The following DMD variants were observed in gnomAD, a reference collection of about 807,000 sequenced individuals.
DMD encodes the protein dystrophin.
Under a neutral mutation model 330.1 loss-of-function variants are expected in DMD, and 63 were observed. The observed-to-expected ratio is 0.19, with a 90% CI of 0.16 to 0.24. DMD has a LOEUF of 0.24. Ranked by LOEUF, DMD falls within the 10% of genes least tolerant of loss-of-function variation. The pLI is 1.00. For synonymous variants in DMD, 1,223 were observed against 959.8 expected, an observed-to-expected ratio of 1.27 and a Z score of -5.07; for missense variants, 3,344 against 2,684.1, an observed-to-expected ratio of 1.25 and a Z score of -5.43.
At chrX:32,981,184 G>T (rs1015013795) in intron 2 of DMD, among the ~76,000 whole-genome samples, 5 of 111,735 alleles carry the variant, frequency 4.5e-5, no homozygotes, top group Admixed American at 2.9e-4. Flanking sequence ...TACATTAACA[G>T]TTTTTGTCTC....
intron 51 of DMD, among the ~76,000 whole-genome samples, chrX:31,763,094 C>T (rs1010462107): frequency 1.8e-5 from 2 of 112,747 alleles, no homozygotes; most frequent in African/African-American, 6.4e-5. Flanking sequence ...GAATATTACA[C>T]CTTCCTTTAC....
intron 56 of DMD, among the ~76,000 whole-genome samples, chrX:31,504,560 A>G (rs2070742007): frequency 9.0e-6 from 1 of 111,672 alleles, no homozygotes; most frequent in Non-Finnish European, 1.9e-5. Context: ...TTCATTTTAA[A>G]ATAACCCCCA....
intron 1 of DMD, among the ~76,000 whole-genome samples, chrX:33,172,097 TAAAC>T (rs1369266430): frequency 9.0e-6 from 1 of 111,216 alleles, no homozygotes. Context: ...AAAGGAATAT[TAAAC>T]AAATGTATTC....
chrX:32,292,613 C>G (rs972098001), intron 42 of DMD, among the ~76,000 whole-genome samples: 1 of 111,481 alleles, frequency 9.0e-6, no homozygotes, highest in African/African-American at 3.3e-5. Flanking sequence ...AATTGGGAAG[C>G]ATTTTAATCA....
intron 9 of DMD, among the ~76,000 whole-genome samples, chrX:32,683,243 C>T (rs1261393469): frequency 9.0e-6 from 1 of 110,675 alleles, no homozygotes; most frequent in Non-Finnish European, 1.9e-5. Flanking sequence ...GGCGATTCCT[C>T]AGGGATCTAG....
At chrX:31,582,480 G>A (rs923396829) in intron 55 of DMD, among the ~76,000 whole-genome samples, 1 of 111,842 alleles carries the variant, frequency 8.9e-6, no homozygotes, top group African/African-American at 3.3e-5. Context: ...ACATGAGTAT[G>A]GGGGTGACGG....
At chrX:32,982,563 A>C (rs1483351048) in intron 2 of DMD, among the ~76,000 whole-genome samples, 1 of 111,719 alleles carries the variant, frequency 9.0e-6, no homozygotes, top group East Asian at 2.8e-4. Context: ...CTAAAACAGC[A>C]ACAAATGCTG....
chrX:31,144,068 T>C (rs991711989), intron 76 of DMD, among the ~76,000 whole-genome samples: 1 of 111,449 alleles, frequency 9.0e-6, no homozygotes, highest in African/African-American at 3.3e-5. Context: ...TTCAGGAAAA[T>C]AACCTCAAAC....
chrX:32,422,928 A>C (rs1165001422), intron 29 of DMD, among the ~76,000 whole-genome samples: 2 of 111,621 alleles, frequency 1.8e-5, no homozygotes, highest in Non-Finnish European at 3.8e-5. Flanking sequence ...GAGAGAGATG[A>C]ATATGTACCC....
At chrX:32,634,168 C>G (rs761888811) in intron 11 of DMD, among the ~76,000 whole-genome samples, 36 of 111,889 alleles carry the variant, frequency 3.2e-4, no homozygotes, top group Non-Finnish European at 6.0e-4. Flanking sequence ...AGAGTACTGT[C>G]TGAGGTCCAA....
intron 15 of DMD, among the ~76,000 whole-genome samples, chrX:32,569,654 G>C (rs1002103033): frequency 7.2e-5 from 8 of 111,569 alleles, no homozygotes; most frequent in Non-Finnish European, 1.5e-4. Context: ...CAGGAGTTGA[G>C]GTAAAGGTAG....
intron 45 of DMD, among the ~76,000 whole-genome samples, chrX:31,952,101 A>T (rs2095188876): frequency 9.0e-6 from 1 of 110,646 alleles, no homozygotes; most frequent in South Asian, 3.8e-4. Flanking sequence ...ATGAGGAGTC[A>T]TTTTTTTCTG....
chrX:32,678,582 A>C (rs1264191011), intron 9 of DMD, among the ~76,000 whole-genome samples: 1 of 110,739 alleles, frequency 9.0e-6, no homozygotes, highest in Non-Finnish European at 1.9e-5. Flanking sequence ...AATCTCCTAA[A>C]ATCAAAGGGC....
rs1434014635 is a variant in DMD at position 33,129,082 on chromosome X, TTG to T, written c.31+82198_31+82199del. On this transcript the variant is annotated intron_variant, in intron 1 of 78. Transcript: ENST00000357033. ...AATCCTGCTTCTTGAAAAAACAGAA[TTG>T]TGTCAGGCTTCTGTAATGACTGTTT... 2.7e-5 allele frequency: 3 copies of T among 111,774 alleles called. No homozygotes were observed. In the Admixed American group the frequency reaches 2.9e-4, roughly 11 times the overall value. 9.2% of individuals were successfully genotyped at this position (111,774 alleles called of 1,213,427 possible).
intron 62 of DMD, among the ~76,000 whole-genome samples, chrX:31,265,414 C>T (rs2050942226): frequency 1.8e-5 from 2 of 111,116 alleles, no homozygotes; most frequent in Admixed American, 9.5e-5. Flanking sequence ...CATTCTAGTT[C>T]CCCATTTCTT....
intron 44 of DMD, among the ~76,000 whole-genome samples, chrX:32,183,234 A>T (rs773318278): frequency 9.0e-6 from 1 of 111,120 alleles, no homozygotes; most frequent in Non-Finnish European, 1.9e-5. Context: ...CTAAATGCCA[A>T]CTGTGAACAA....
At chrX:31,576,759 G>GTTTTTTTTTTTTTTTTTTTTTT (rs201477815) in intron 55 of DMD, among the ~76,000 whole-genome samples, 3 of 103,653 alleles carry the variant, frequency 2.9e-5, no homozygotes, top group Non-Finnish European at 4.0e-5. Flanking sequence ...ATATGAGGTT[G>GTTTTTTTTTTTTTTTTTTTTTT]TTTTTTTTTG....
intron 30 of DMD, among the ~76,000 whole-genome samples, chrX:32,398,905 T>C (rs1012283129): frequency 2.7e-5 from 3 of 110,768 alleles, no homozygotes; most frequent in Non-Finnish European, 5.7e-5. Context: ...CACAGCCCAA[T>C]AGAACAGAAT....
intron 52 of DMD, among the ~76,000 whole-genome samples, chrX:31,683,710 G>A (rs1340947492): frequency 8.9e-6 from 1 of 111,732 alleles, no homozygotes; most frequent in African/African-American, 3.3e-5. Flanking sequence ...TGAAAGACTA[G>A]AGAAGGAGGA....
Sources: allele counts gnomAD v4.1 joint callset (sites outside exome capture counted in the v4.1 genomes callset), GRCh38; gene constraint gnomAD v4.1.1; transcripts MANE v1.5; gene names NCBI Gene and HGNC (gene_info 2026-07-23, HGNC 2026-07-21).